HDAC9: variants seen among roughly 807,000 people sequenced by gnomAD.
The protein encoded by HDAC9 is MEF-2 interacting transcription repressor (MITR) protein.
A neutral mutation model predicts 139.4 loss-of-function variants in HDAC9; 41 were observed. The observed-to-expected ratio is 0.29, with a 90% confidence interval of 0.23 to 0.38. The LOEUF (loss-of-function observed/expected upper bound fraction) is 0.38, where lower values mean the gene tolerates loss of function less well. HDAC9 is among the 10% of genes least tolerant of loss of function. The pLI is 1.00. For synonymous variants in HDAC9, 517 were observed against 476.2 expected (o/e 1.09, Z -1.12); for missense variants, 1,147 against 1,297.0 (o/e 0.88, Z 1.78).
chr7:18,330,005 G>GTA (rs1413316790), intron 1 of HDAC9, among the ~76,000 whole-genome samples: 19 of 9,378 alleles, frequency 2.0e-3, no homozygotes, highest in South Asian at 4.1e-3. Context: ...GTGTGTGTGT[G>GTA]TTCCGTGTGT....
chr7:18,822,338 G>A (rs1181001754), intron 17 of HDAC9, among the ~76,000 whole-genome samples: 3 of 133,276 alleles, frequency 2.3e-5, no homozygotes, highest in African/African-American at 8.1e-5. Flanking sequence ...GTTTTTGTTT[G>A]TTTGTTTGTT....
intron 2 of HDAC9, among the ~76,000 whole-genome samples, chr7:18,524,406 A>G (rs1456457816): frequency 2.0e-5 from 3 of 152,142 alleles, no homozygotes; most frequent in South Asian, 4.2e-4. Flanking sequence ...TGCTTCAGCC[A>G]TCGACTTTGT....
At chr7:18,981,750 C>T (rs1291064080) in intron 25 of HDAC9, among the ~76,000 whole-genome samples, 1 of 152,258 alleles carries the variant, frequency 6.6e-6, no homozygotes, top group East Asian at 1.9e-4. Context: ...ATTAATTTCT[C>T]CACCTTATCA....
chr7:18,589,209 A>C (rs1037982709), intron 3 of HDAC9, among the ~76,000 whole-genome samples: 1 of 152,140 alleles, frequency 6.6e-6, no homozygotes, highest in Non-Finnish European at 1.5e-5. Context: ...GTGGAAATAG[A>C]CATCTCAAGA....
chr7:18,291,775 T>C (rs570847133), intron 1 of HDAC9, among the ~76,000 whole-genome samples: 1 of 152,256 alleles, frequency 6.6e-6, no homozygotes, highest in South Asian at 2.1e-4. Context: ...ACAAAAGTTA[T>C]CTGAGGTTGT....
rs1029565510 is a variant in HDAC9, at chr7:18,660,345, A to T, written c.1468-5868A>T. 9.9e-5 allele frequency among the ~76,000 whole-genome samples: 15 copies of T among 152,256 alleles called. 1 individual carries two copies. In the East Asian group the frequency reaches 2.9e-3, roughly 29 times the overall value. On this transcript the variant is annotated intron_variant, in intron 11 of 25. Coordinates refer to ENST00000686413, the MANE Select transcript of HDAC9 (RefSeq NM_178425.4). ...CATTTGTCTTTTTTGTATTTTGTGAATCTTTACAAAGAGCATATTTTATTC... is the reference window on the plus strand; with the variant it reads ...CATTTGTCTTTTTTGTATTTTGTGATTCTTTACAAAGAGCATATTTTATTC...
intron 11 of HDAC9, among the ~76,000 whole-genome samples, chr7:18,655,283 A>G (rs1790736913): frequency 6.6e-6 from 1 of 152,160 alleles, no homozygotes. Flanking sequence ...CATTTTGCCC[A>G]TTACATGGAT....
intron 12 of HDAC9, chr7:18,667,560 A>G (rs1029472715): frequency 1.0e-6 from 1 of 985,310 alleles, no homozygotes; most frequent in Non-Finnish European, 1.2e-6. Context: ...TTTGAAGGCA[A>G]CAGAAGACAC....
chr7:18,897,818 A>T (rs1801347059), intron 22 of HDAC9, among the ~76,000 whole-genome samples: 1 of 109,448 alleles, frequency 9.1e-6, no homozygotes. Flanking sequence ...ATGGTTACTT[A>T]AAAAAAAAAA....
chr7:18,276,318 G>A (rs1426965797), intron 2 of HDAC9, among the ~76,000 whole-genome samples: 1 of 152,170 alleles, frequency 6.6e-6, no homozygotes, highest in Non-Finnish European at 1.5e-5. Flanking sequence ...AAGAGCAAGT[G>A]TGGTATTGAT....
At chr7:18,322,942 C>T (rs1056924460) in intron 1 of HDAC9, among the ~76,000 whole-genome samples, 6 of 151,968 alleles carry the variant, frequency 3.9e-5, no homozygotes, top group African/African-American at 1.4e-4. Flanking sequence ...GAAAAGGTGC[C>T]TGGTTTAGAG....
chr7:18,913,419 G>A (rs1242818269), intron 22 of HDAC9, among the ~76,000 whole-genome samples: 1 of 152,082 alleles, frequency 6.6e-6, no homozygotes, highest in Non-Finnish European at 1.5e-5. Context: ...CAGGCTACTT[G>A]ACATACGTGG....
chr7:18,103,982 T>G (rs1783023106), intron 1 of HDAC9, among the ~76,000 whole-genome samples: 1 of 152,100 alleles, frequency 6.6e-6, no homozygotes, highest in Admixed American at 6.6e-5. Context: ...CAGGATGCCA[T>G]CCCATCTCAG....
chr7:18,398,311 T>G (rs1787235853), intron 1 of HDAC9, among the ~76,000 whole-genome samples: 1 of 152,234 alleles, frequency 6.6e-6, no homozygotes, highest in Non-Finnish European at 1.5e-5. Context: ...TCCATATTTT[T>G]CTCAGATTTT....
At chr7:18,610,516 G>C (rs1836830725) in intron 6 of HDAC9, among the ~76,000 whole-genome samples, 1 of 152,152 alleles carries the variant, frequency 6.6e-6, no homozygotes, top group Non-Finnish European at 1.5e-5. Flanking sequence ...CATTCGGACA[G>C]CTTATCTCAC....
Position 18,654,914 on chromosome 7 carries a change from G to A in HDAC9, c.1467+6231G>A, listed in dbSNP as rs1028994565. On this transcript the variant is annotated intron_variant, in intron 11 of 25. Coordinates refer to ENST00000686413, the MANE Select transcript of HDAC9 (RefSeq NM_178425.4). The stretch of plus-strand genomic sequence containing the variant: ...TGTTGGATTATAAGGCTTTCCAAAC[G>A]GTGCAGAGTGAATGCAGTACAGAGC... Among the ~76,000 whole-genome samples the A allele has an allele frequency of 2.9e-4, 44 of 152,068 alleles. 1 individual carries two copies. Among genetic ancestry groups the A allele is most frequent in the African/African-American group, 1.0e-3 (42 of 41,392 alleles).
At chr7:18,815,881 T>A (rs1466629970) in intron 17 of HDAC9, among the ~76,000 whole-genome samples, 1 of 152,240 alleles carries the variant, frequency 6.6e-6, no homozygotes, top group Non-Finnish European at 1.5e-5. Context: ...GATTCCAGCA[T>A]GTGAGAGACA....
chr7:18,214,478 C>T (rs1323762881), intron 2 of HDAC9, among the ~76,000 whole-genome samples: 4 of 152,144 alleles, frequency 2.6e-5, no homozygotes, highest in Admixed American at 1.3e-4. Flanking sequence ...TCTCTCATCC[C>T]ACCTTGTTAG....
chr7:18,595,265 C>T (rs558392748), intron 6 of HDAC9, among the ~76,000 whole-genome samples: 1 of 151,966 alleles, frequency 6.6e-6, no homozygotes, highest in South Asian at 2.1e-4. Context: ...TATAAAATAC[C>T]TTAATAGAAG....
Sources: allele counts gnomAD v4.1 joint callset (sites outside exome capture counted in the v4.1 genomes callset), GRCh38; gene constraint gnomAD v4.1.1; transcripts MANE v1.5; gene names NCBI Gene and HGNC (gene_info 2026-07-23, HGNC 2026-07-21).